Variants in SULF2 observed in about 807,000 individuals in gnomAD.
SULF2 encodes extracellular sulfatase Sulf-2.
Under a neutral mutation model 107.7 loss-of-function variants are expected in SULF2, and 52 were observed. That is an observed-to-expected ratio of 0.48 (90% CI 0.39 to 0.61). The LOEUF (loss-of-function observed/expected upper bound fraction) is 0.61. SULF2 is among the 20% of genes least tolerant of loss of function. SULF2 has a pLI of 0.00. For synonymous variants in SULF2, 460 were observed against 464.3 expected, an observed-to-expected ratio of 0.99 and a Z score of 0.12; for missense variants, 993 against 1,177.3, an observed-to-expected ratio of 0.84 and a Z score of 2.29.
At position 47,663,349 on chromosome 20, in the gene SULF2, G is replaced by A. The variant is rs2087150304; in HGVS notation, c.2227+104C>T. ...GCTGTCCCGAGCACCGTGGACCCCT[G>A]GTGTTGGGGACCCCCTTTCTGAGAG... On this transcript the variant is annotated intron_variant, in intron 16 of 20. Coordinates refer to ENST00000688720, the MANE Select transcript of SULF2 (RefSeq NM_001387048.1). 24 of 1,573,520 alleles carry A rather than the reference G, an allele frequency of 1.5e-5. No individual in the cohort carries two copies. The South Asian group carries it at 2.7e-4, about 18-fold the overall frequency.
intron 3 of SULF2, among the ~76,000 whole-genome samples, chr20:47,716,315 G>C (rs1213147252): frequency 6.6e-6 from 1 of 152,164 alleles, no homozygotes; most frequent in African/African-American, 2.4e-5. Context: ...GACCAGCCTG[G>C]CCAATGTGGT....
intron 1 of SULF2, among the ~76,000 whole-genome samples, chr20:47,777,970 T>C (rs1201737232): frequency 7.6e-6 from 1 of 130,754 alleles, no homozygotes; most frequent in African/African-American, 3.3e-5. Context: ...ATCTCATCTC[T>C]ACCAAAAAAA....
chr20:47,688,879 A>T (rs1004791490), intron 5 of SULF2, among the ~76,000 whole-genome samples: 2 of 152,212 alleles, frequency 1.3e-5, no homozygotes, highest in Non-Finnish European at 2.9e-5. Flanking sequence ...GATTGTAATG[A>T]AGCCAAACAC....
At chr20:47,679,811 T>C (rs1004099137) in intron 7 of SULF2, among the ~76,000 whole-genome samples, 1 of 152,192 alleles carries the variant, frequency 6.6e-6, no homozygotes, top group Non-Finnish European at 1.5e-5. Flanking sequence ...TGGCAGTTTG[T>C]TCTGCAGCAC....
At chr20:47,693,249 G>A (rs560719334) in intron 4 of SULF2, among the ~76,000 whole-genome samples, 1 of 152,260 alleles carries the variant, frequency 6.6e-6, no homozygotes, top group South Asian at 2.1e-4. Context: ...TCTAAAAATG[G>A]TGCAAAGCTC....
chr20:47,738,742 G>A (rs2089806980), intron 2 of SULF2, among the ~76,000 whole-genome samples: 1 of 152,108 alleles, frequency 6.6e-6, no homozygotes. Flanking sequence ...ATGATCCTGA[G>A]GCCTCCCCAG....
Position 47,680,595 on chromosome 20 carries a change from C to G in SULF2, c.1065-1791G>C, listed in dbSNP as rs1272327198. ...GTCATCTTTAACCCCTCATCTCTCC[C>G]CAGTCCAGTGCCCTGTGAACGTCGG... On this transcript the variant is annotated intron_variant, in intron 7 of 20. Coordinates refer to ENST00000688720, the MANE Select transcript of SULF2 (RefSeq NM_001387048.1). The surrounding 1 kb of genome is among the most constrained non-coding windows in gnomAD (Gnocchi z 4.2). 6.6e-6 allele frequency among the ~76,000 whole-genome samples: 1 copy of G among 152,220 alleles called. No individual in the cohort carries two copies.
chr20:47,727,984 G>A (rs954793893), intron 3 of SULF2, among the ~76,000 whole-genome samples: 1 of 152,190 alleles, frequency 6.6e-6, no homozygotes, highest in Non-Finnish European at 1.5e-5. Context: ...GGACACGCTG[G>A]GTCAGCCTGG....
chr20:47,660,586 AGCTTT>A (rs1224152809), intron 18 of SULF2, among the ~76,000 whole-genome samples: 1 of 151,602 alleles, frequency 6.6e-6, no homozygotes, highest in African/African-American at 2.4e-5. Context: ...TTTTTCTTTT[AGCTTT>A]GTTTTCTTTT....
intron 2 of SULF2, among the ~76,000 whole-genome samples, chr20:47,740,221 G>T (rs910211182): frequency 6.6e-6 from 1 of 152,222 alleles, no homozygotes; most frequent in African/African-American, 2.4e-5. Context: ...TGAACCTGGG[G>T]AGCTGAATGA....
At position 47,657,893 on chromosome 20, in the gene SULF2, CCT is replaced by C. The variant is rs1403697624; in HGVS notation, c.*467_*468del. On this transcript the variant is annotated 3_prime_UTR_variant, in exon 21 of 21. Transcript: ENST00000688720. ...TCAAACGTCTCTGCACTGTTTTCAGCCTCTCCACGTTGCCTCTGTCCTGCTTC... is the reference window on the plus strand; with the variant it reads ...TCAAACGTCTCTGCACTGTTTTCAGCCTCCACGTTGCCTCTGTCCTGCTTC... 5.4e-6 allele frequency: 1 copy of C among 185,072 alleles called. No homozygotes were observed. The highest frequency in any genetic ancestry group is 2.4e-5 in the African/African-American group (1 of 42,234). The allele number at this position is 185,072 out of a possible 1,614,324, so 11.5% of individuals were successfully genotyped here.
chr20:47,673,871 G>A (rs1216295441), intron 10 of SULF2, among the ~76,000 whole-genome samples: 1 of 152,258 alleles, frequency 6.6e-6, no homozygotes, highest in Non-Finnish European at 1.5e-5. Context: ...AGGGCTCTGA[G>A]TTCTGCGTGA....
At position 47,664,968 on chromosome 20, in the gene SULF2, C is replaced by T. The variant is rs556957107; in HGVS notation, c.1997+231G>A. Among the ~76,000 whole-genome samples, 12 of 152,330 alleles carry T rather than the reference C, an allele frequency of 7.9e-5. No individual in the cohort carries two copies. The South Asian group carries it at 1.9e-3, about 24-fold the overall frequency. On this transcript the variant is annotated intron_variant, in intron 14 of 20. Coordinates refer to ENST00000688720, the MANE Select transcript of SULF2 (RefSeq NM_001387048.1). Reference sequence around the variant, plus strand: ...TGGAGCCGGCTCTGCGCAGCCAGCACGGGTCTCTTGCTAGCAGTACTGGAA... The same window carrying T: ...TGGAGCCGGCTCTGCGCAGCCAGCATGGGTCTCTTGCTAGCAGTACTGGAA...
chr20:47,738,368 T>TC (rs2146798181), intron 2 of SULF2, among the ~76,000 whole-genome samples: 1 of 152,336 alleles, frequency 6.6e-6, no homozygotes, highest in Admixed American at 6.5e-5. Context: ...CCTTGGTTTT[T>TC]CCCCTTTTCC....
At chr20:47,773,416 T>C (rs1207237346) in intron 1 of SULF2, among the ~76,000 whole-genome samples, 1 of 152,230 alleles carries the variant, frequency 6.6e-6, no homozygotes, top group Non-Finnish European at 1.5e-5. Context: ...CAAAATGCTT[T>C]CTATGAACGG....
At chr20:47,783,010 A>G (rs1030137653) in intron 1 of SULF2, among the ~76,000 whole-genome samples, 3 of 152,114 alleles carry the variant, frequency 2.0e-5, no homozygotes, top group Admixed American at 2.0e-4. Context: ...TCCCAGCTCT[A>G]CCTGTGACCA....
chr20:47,777,030 G>A (rs1183778423), intron 1 of SULF2, among the ~76,000 whole-genome samples: 1 of 152,162 alleles, frequency 6.6e-6, no homozygotes, highest in Non-Finnish European at 1.5e-5. Context: ...CTCAGTGCTG[G>A]GGATACAGCG....
At chr20:47,664,498 C>T (rs1051572356) in intron 14 of SULF2, among the ~76,000 whole-genome samples, 2 of 152,190 alleles carry the variant, frequency 1.3e-5, no homozygotes, top group African/African-American at 4.8e-5. Context: ...CCTCAGCATC[C>T]TTTTTCCTTT....
intron 2 of SULF2, among the ~76,000 whole-genome samples, chr20:47,738,167 C>T (rs2089790545): frequency 6.6e-6 from 1 of 152,194 alleles, no homozygotes; most frequent in African/African-American, 2.4e-5. Flanking sequence ...GCCAAGGTCC[C>T]AGGAGGGCAA....
Sources: gnomAD v4.1 joint callset for allele counts (sites outside exome capture counted in the v4.1 genomes callset) on GRCh38, gnomAD v4.1.1 for gene constraint, Gnocchi (gnomAD v3.1) non-coding constraint, MANE v1.5 for transcripts, NCBI Gene and HGNC (gene_info 2026-07-23, HGNC 2026-07-21) for gene names.